The following CLASP1 variants were observed in gnomAD, a reference collection of about 807,000 sequenced individuals.
CLASP1 encodes CLIP-associating protein 1.
CLASP1 carries 38 observed loss-of-function variants against 192.3 expected under a neutral mutation model. The ratio of observed to expected loss-of-function variants is 0.20; its 90% CI spans 0.15 to 0.26. The LOEUF is 0.26. Ranked by LOEUF, CLASP1 falls within the 10% of genes least tolerant of loss-of-function variation. The pLI, the probability that CLASP1 is intolerant of heterozygous loss-of-function variation, is 1.00. For missense variants in CLASP1, 1,433 were observed against 1,932.5 expected, an observed-to-expected ratio of 0.74 and a Z score of 4.85; for synonymous variants, 691 against 712.8, an observed-to-expected ratio of 0.97 and a Z score of 0.49.
At chr2:121,560,659 G>A (rs113569565) in intron 2 of CLASP1, among the ~76,000 whole-genome samples, 1,670 of 152,250 alleles carry the variant, frequency 0.011, 32 homozygotes, top group African/African-American at 0.038. Context: ...TCAGTACCAG[G>A]CATTTCAAGA....
In CLASP1 at chr2:121,478,685, C is replaced by CA. The variant is rs1315319273; in HGVS notation, c.713-8726_713-8725insT. Among the ~76,000 whole-genome samples, 39 of 96,600 alleles carry CA rather than the reference C, an allele frequency of 4.0e-4. 1 individual carries two copies. The highest frequency in any genetic ancestry group is 1.4e-3 in the African/African-American group (37 of 26,090). The allele number at this position is 96,600 out of a possible 152,430, so 63.4% of individuals were successfully genotyped here. A position where few individuals can be genotyped will look rare whatever the true frequency, so the allele number is the denominator to read the frequency against. On this transcript the variant is annotated intron_variant, in intron 8 of 39. Transcript: ENST00000263710. ...ACCCCCCACACACACCACACACACA[C>CA]CCCACACACACAACCACACCCCACA...
chr2:121,587,389 C>T (rs976227648), intron 2 of CLASP1, among the ~76,000 whole-genome samples: 3 of 152,192 alleles, frequency 2.0e-5, no homozygotes, highest in Non-Finnish European at 4.4e-5. Context: ...GGAGCTTTCC[C>T]TTTCCTAATC....
intron 1 of CLASP1, among the ~76,000 whole-genome samples, chr2:121,616,356 A>T (rs2066462432): frequency 6.6e-6 from 1 of 152,182 alleles, no homozygotes; most frequent in Non-Finnish European, 1.5e-5. Context: ...CTGAGACAAT[A>T]GAATCGCTTG....
intron 39 of CLASP1, among the ~76,000 whole-genome samples, chr2:121,342,900 G>A (rs944950075): frequency 6.6e-6 from 1 of 152,148 alleles, no homozygotes; most frequent in Admixed American, 6.5e-5. Flanking sequence ...TTGTGCCACC[G>A]CACTCCAGCC....
rs557156792 is a variant in CLASP1 at position 121,544,896 on chromosome 2, T to C, written c.196-14571A>G. ...CCTAATTTTTTCTTTCTTTTTCTTT[T>C]CTTTTCTTTTCTTTTTTTTTTTTTT... is the stretch of plus-strand genomic sequence containing the variant. On this transcript the variant is annotated intron_variant, in intron 2 of 39. Transcript: ENST00000263710. Among the ~76,000 whole-genome samples, 5 of 75,382 alleles carry C rather than the reference T, an allele frequency of 6.6e-5. No homozygotes were observed. The South Asian group carries it at 2.9e-3, about 44-fold the overall frequency. 49.5% of individuals were successfully genotyped at this position (75,382 alleles called of 152,430 possible).
chr2:121,573,469 A>C (rs2060169358), intron 2 of CLASP1, among the ~76,000 whole-genome samples: 1 of 152,226 alleles, frequency 6.6e-6, no homozygotes, highest in South Asian at 2.1e-4. Flanking sequence ...CAAAAGTATC[A>C]TGGTCTGGAT....
At chr2:121,458,130 A>T (rs2087084116) in intron 13 of CLASP1, among the ~76,000 whole-genome samples, 2 of 152,330 alleles carry the variant, frequency 1.3e-5, no homozygotes, top group Admixed American at 1.3e-4. Context: ...TTTAACAGTT[A>T]AAGCAGGCAG....
chr2:121,568,054 A>G (rs1462898456), intron 2 of CLASP1, among the ~76,000 whole-genome samples: 1 of 152,228 alleles, frequency 6.6e-6, no homozygotes, highest in Non-Finnish European at 1.5e-5. Context: ...GGATGTCATC[A>G]GAGTATCCAG....
At chr2:121,633,020 A>ATT in intron 1 of CLASP1, among the ~76,000 whole-genome samples, 1 of 148,112 alleles carries the variant, frequency 6.8e-6, no homozygotes, top group Non-Finnish European at 1.5e-5. Context: ...ATATATATAT[A>ATT]TATATATAGG....
intron 19 of CLASP1, among the ~76,000 whole-genome samples, chr2:121,443,364 G>A (rs1369378748): frequency 6.6e-6 from 1 of 151,982 alleles, no homozygotes; most frequent in Non-Finnish European, 1.5e-5. Flanking sequence ...ATAGAAATCA[G>A]GGCATTCTGG....
chr2:121,594,197 G>C (rs2062817879), intron 2 of CLASP1, among the ~76,000 whole-genome samples: 1 of 147,036 alleles, frequency 6.8e-6, no homozygotes, highest in African/African-American at 2.5e-5. Context: ...CTACTCAGGA[G>C]GCTGAGGCAG....
chr2:121,449,169 T>G, intron 16 of CLASP1, 49 bp from the exon 17 acceptor site: 1 of 1,561,132 alleles, frequency 6.4e-7, no homozygotes, highest in Non-Finnish European at 8.8e-7. Flanking sequence ...TCCAAACAGG[T>G]CTTTTGCTGA....
At chr2:121,465,063 A>G (rs2089236492) in intron 9 of CLASP1, among the ~76,000 whole-genome samples, 1 of 152,234 alleles carries the variant, frequency 6.6e-6, no homozygotes, top group Non-Finnish European at 1.5e-5. Flanking sequence ...AGCCAATATC[A>G]TGCTGAATGG....
chr2:121,496,436 A>C (rs1256289434), intron 8 of CLASP1, among the ~76,000 whole-genome samples: 1 of 152,162 alleles, frequency 6.6e-6, no homozygotes, highest in African/African-American at 2.4e-5. Flanking sequence ...GTTCTCTGTC[A>C]GCTCCAGCTC....
chr2:121,404,326 A>C (rs755092336), intron 26 of CLASP1, 45 bp downstream of exon 27: 1 of 1,600,436 alleles, frequency 6.2e-7, no homozygotes, highest in South Asian at 1.1e-5. Context: ...CAGAGCACAC[A>C]GACATGCAGG....
intron 6 of CLASP1, among the ~76,000 whole-genome samples, chr2:121,516,477 G>A (rs767574873): frequency 3.3e-5 from 5 of 152,174 alleles, no homozygotes; most frequent in Non-Finnish European, 7.3e-5. Context: ...AGACATGCAC[G>A]GCACATGCTT....
chr2:121,381,103 G>T (rs1364075519), intron 33 of CLASP1, among the ~76,000 whole-genome samples: 1 of 152,260 alleles, frequency 6.6e-6, no homozygotes, highest in Middle Eastern at 3.4e-3. Context: ...CTAACCTTGT[G>T]TATCTAGAAA....
intron 12 of CLASP1, 155 bp downstream of exon 12, chr2:121,459,825 G>A (rs2087522610): frequency 1.8e-6 from 1 of 565,274 alleles, no homozygotes; most frequent in African/African-American, 1.9e-5. Flanking sequence ...AAAAAGTATT[G>A]TAAAACTACT....
chr2:121,340,678 C>A, exon 40 of CLASP1: 1 of 586,598 alleles, frequency 1.7e-6, no homozygotes, highest in African/African-American at 1.9e-5. Flanking sequence ...ACAGGCCTTG[C>A]TTCCTTTACA....
Sources: gnomAD v4.1 joint callset for allele counts (sites outside exome capture counted in the v4.1 genomes callset) on GRCh38, gnomAD v4.1.1 for gene constraint, MANE v1.5 for transcripts, NCBI Gene and HGNC (gene_info 2026-07-23, HGNC 2026-07-21) for gene names.